The following MEMO1 variants were observed in gnomAD, a reference collection of about 807,000 sequenced individuals.
MEMO1 encodes mediator of cell motility 1.
MEMO1 carries 6 observed loss-of-function variants against 45.2 expected under a neutral mutation model. The ratio of observed to expected loss-of-function variants is 0.13; its 90% confidence interval spans 0.07 to 0.26. The LOEUF is 0.26. MEMO1 is among the 10% of genes least tolerant of loss of function. The pLI is 1.00. For missense variants in MEMO1, 184 were observed against 370.5 expected, an observed-to-expected ratio of 0.50 and a Z score of 4.13; for synonymous variants, 78 against 124.3, an observed-to-expected ratio of 0.63 and a Z score of 2.48.
chr2:31,954,443 C>T (rs561178853), intron 2 of MEMO1, among the ~76,000 whole-genome samples: 1 of 152,124 alleles, frequency 6.6e-6, no homozygotes, highest in Non-Finnish European at 1.5e-5. Flanking sequence ...TGTCTCTATT[C>T]TTGTAAAAAT....
chr2:31,937,003 T>G (rs1243392847), intron 3 of MEMO1, among the ~76,000 whole-genome samples: 1 of 152,218 alleles, frequency 6.6e-6, no homozygotes, highest in Non-Finnish European at 1.5e-5. Context: ...TCTAAAAAGC[T>G]AGAAACTAAA....
chr2:32,003,813 A>G (rs915452833), intron 2 of MEMO1, among the ~76,000 whole-genome samples: 1 of 152,116 alleles, frequency 6.6e-6, no homozygotes, highest in Non-Finnish European at 1.5e-5. Flanking sequence ...GCACTTTGGG[A>G]GGCCAAGGCA....
rs1671332721 is a variant in MEMO1, at chr2:31,986,934, C to T, written c.61+23253G>A. Reference sequence around the variant, plus strand: ...GAAAGCAATGTCTCGGAAGAGAGAACAGCAAATGCAAGGGCCCTAAAGTAA... The same window carrying T: ...GAAAGCAATGTCTCGGAAGAGAGAATAGCAAATGCAAGGGCCCTAAAGTAA... On this transcript the variant is annotated intron_variant, in intron 2 of 9. Transcript: ENST00000404530. 2.0e-5 allele frequency among the ~76,000 whole-genome samples: 3 copies of T among 152,118 alleles called. No homozygotes were observed. The South Asian group carries it at 6.2e-4, about 32-fold the overall frequency.
intron 3 of MEMO1, among the ~76,000 whole-genome samples, chr2:31,941,287 C>T (rs1665584233): frequency 6.6e-6 from 1 of 152,174 alleles, no homozygotes; most frequent in Admixed American, 6.5e-5. Flanking sequence ...GCTCACTGTT[C>T]CTCAACCTGA....
intron 2 of MEMO1, among the ~76,000 whole-genome samples, chr2:31,952,171 G>A (rs748824099): frequency 2.0e-4 from 30 of 152,178 alleles, no homozygotes; most frequent in African/African-American, 5.5e-4. Context: ...GAAAAACACC[G>A]ACTGTTCGCC....
intron 2 of MEMO1, among the ~76,000 whole-genome samples, chr2:31,972,538 C>A (rs1051189965): frequency 6.6e-6 from 1 of 152,016 alleles, no homozygotes; most frequent in African/African-American, 2.4e-5. Context: ...TGGTGAAACC[C>A]CTTCTCTACT....
At chr2:31,869,045 GA>G (rs907964838) in intron 9 of MEMO1, among the ~76,000 whole-genome samples, 2 of 152,042 alleles carry the variant, frequency 1.3e-5, no homozygotes, top group Non-Finnish European at 2.9e-5. Flanking sequence ...TTAAGTTCTT[GA>G]AAAGCTTTTC....
At chr2:31,882,249 T>G (rs955313448) in intron 8 of MEMO1, among the ~76,000 whole-genome samples, 7 of 152,192 alleles carry the variant, frequency 4.6e-5, no homozygotes, top group African/African-American at 1.7e-4. Flanking sequence ...GCCCAGGAAT[T>G]CCAGGTTGCA....
chr2:31,944,559 T>C (rs1572762868), intron 2 of MEMO1, among the ~76,000 whole-genome samples: 1 of 152,348 alleles, frequency 6.6e-6, no homozygotes, highest in East Asian at 1.9e-4. Flanking sequence ...TTCAACAAAT[T>C]GTCCTTGTTC....
At chr2:31,995,039 C>G (rs1036730108) in intron 2 of MEMO1, among the ~76,000 whole-genome samples, 8 of 151,330 alleles carry the variant, frequency 5.3e-5, no homozygotes, top group Admixed American at 2.6e-4. Context: ...GCAAACATGA[C>G]CAATAAACAG....
intron 3 of MEMO1, among the ~76,000 whole-genome samples, chr2:31,932,413 A>T (rs1037631618): frequency 6.6e-6 from 1 of 152,014 alleles, no homozygotes; most frequent in African/African-American, 2.4e-5. Flanking sequence ...GTTGCTATGT[A>T]ACACGATTAT....
chr2:31,994,744 T>TG (rs1470179386), intron 2 of MEMO1, among the ~76,000 whole-genome samples: 5 of 151,798 alleles, frequency 3.3e-5, no homozygotes, highest in Non-Finnish European at 7.4e-5. Flanking sequence ...GCCCAGGAGT[T>TG]GGAAACCAGA....
rs571269137 is a variant in MEMO1, at chr2:31,994,903, G to A, written c.61+15284C>T. Among the ~76,000 whole-genome samples, 11 of 151,444 alleles carry A rather than the reference G, an allele frequency of 7.3e-5. No homozygotes were observed. The East Asian group carries it at 2.2e-3, about 30-fold the overall frequency. On this transcript the variant is annotated intron_variant, in intron 2 of 9. Coordinates refer to ENST00000404530, the MANE Select transcript of MEMO1 (RefSeq NM_001301833.4). ...GTCGAGGCTGCAGTGAGCTGTGATT[G>A]TGCCAAGGCACTCGTGCCTTGCGGT...
At chr2:32,009,718 G>A (rs1558576553) in intron 2 of MEMO1, among the ~76,000 whole-genome samples, 2 of 152,164 alleles carry the variant, frequency 1.3e-5, no homozygotes, top group Admixed American at 1.3e-4. Context: ...AAAGGAAAGG[G>A]TCCCTGGCTC....
chr2:31,938,182 T>C (rs1286836466), intron 3 of MEMO1, among the ~76,000 whole-genome samples: 2 of 152,212 alleles, frequency 1.3e-5, no homozygotes, highest in Admixed American at 6.5e-5. Flanking sequence ...ATATTTATTC[T>C]TTAATGGTAT....
chr2:31,978,351 G>A (rs144206745), intron 2 of MEMO1, among the ~76,000 whole-genome samples: 26 of 152,160 alleles, frequency 1.7e-4, no homozygotes, highest in African/African-American at 5.3e-4. Flanking sequence ...TCAGGTCATT[G>A]CACTCCACCC....
At chr2:31,914,859 A>C (rs911047627) in intron 6 of MEMO1, among the ~76,000 whole-genome samples, 2 of 151,068 alleles carry the variant, frequency 1.3e-5, no homozygotes, top group Non-Finnish European at 2.9e-5. Context: ...CTGAAAGCTG[A>C]GGTAGGAAGA....
At chr2:31,944,658 C>T (rs1047175432) in intron 2 of MEMO1, among the ~76,000 whole-genome samples, 20 of 152,070 alleles carry the variant, frequency 1.3e-4, no homozygotes, top group African/African-American at 4.8e-4. Flanking sequence ...TATAGGTCTC[C>T]TATACCAATT....
intron 2 of MEMO1, among the ~76,000 whole-genome samples, chr2:31,994,901 T>C (rs1467886000): frequency 6.6e-6 from 1 of 151,012 alleles, no homozygotes; most frequent in Non-Finnish European, 1.5e-5. Context: ...TGAGCTGTGA[T>C]TGTGCCAAGG....
Sources: gnomAD v4.1 joint callset for allele counts (sites outside exome capture counted in the v4.1 genomes callset) on GRCh38, gnomAD v4.1.1 for gene constraint, MANE v1.5 for transcripts, NCBI Gene and HGNC (gene_info 2026-07-23, HGNC 2026-07-21) for gene names.